LAMB3: variants seen among roughly 807,000 people sequenced by gnomAD.
The protein encoded by LAMB3 is laminin subunit beta-3.
Under a neutral mutation model 140.3 loss-of-function variants are expected in LAMB3, and 104 were observed. The ratio of observed to expected loss-of-function variants is 0.74; its 90% CI spans 0.63 to 0.87. The LOEUF is 0.87. Among genes scored for constraint, LAMB3 ranks in the 40% least tolerant of loss-of-function variants. The probability of loss-of-function intolerance (pLI) is 0.00; values close to 1 mark genes in which losing one functional copy is unlikely to be tolerated. For synonymous variants in LAMB3, 592 were observed against 602.9 expected (o/e 0.98, Z 0.26); for missense variants, 1,531 against 1,575.2 (o/e 0.97, Z 0.47).
chr1:209,637,376 T>C (rs572893146), intron 5 of LAMB3, among the ~76,000 whole-genome samples: 2 of 152,208 alleles, frequency 1.3e-5, no homozygotes, highest in East Asian at 3.9e-4. Context: ...AAAATTGACC[T>C]ATGGCAATTA....
chr1:209,636,409 T>A (rs1344784729), intron 5 of LAMB3, among the ~76,000 whole-genome samples: 1 of 152,184 alleles, frequency 6.6e-6, no homozygotes, highest in Non-Finnish European at 1.5e-5. Context: ...GTGCCCCTGG[T>A]TGAGACTCAG....
At chr1:209,645,473 T>C (rs979207127) in intron 3 of LAMB3, among the ~76,000 whole-genome samples, 10 of 152,114 alleles carry the variant, frequency 6.6e-5, no homozygotes, top group Non-Finnish European at 1.5e-5. Flanking sequence ...TCCAGCACTT[T>C]GGGAGGCCAA....
At position 209,650,915 on chromosome 1, in the gene LAMB3, A is replaced by T; in HGVS notation, c.28+2T>A. ...CCTGGAAGGATGGGAAGGGGTACTT[A>T]CCAAAACACAAGAGGAAGAATGGTC... On this transcript the variant is annotated splice_donor_variant, in intron 2 of 22. Transcript: ENST00000356082. LOFTEE classifies it high-confidence loss of function. 6.2e-7 allele frequency: 1 copy of T among 1,614,170 alleles called. No individual in the cohort carries two copies. The highest frequency in any genetic ancestry group is 1.1e-5 in the South Asian group (1 of 91,090).
intron 3 of LAMB3, among the ~76,000 whole-genome samples, chr1:209,645,949 G>A (rs185088256): frequency 1.1e-4 from 16 of 152,330 alleles, no homozygotes; most frequent in Non-Finnish European, 1.3e-4. Context: ...ATGTGCGCCT[G>A]CGCGTATTAG....
chr1:209,624,496 C>G (rs1666343228), intron 14 of LAMB3, among the ~76,000 whole-genome samples: 1 of 152,318 alleles, frequency 6.6e-6, no homozygotes, highest in South Asian at 2.1e-4. Flanking sequence ...TTGGAGAGTC[C>G]TCTCTCCCTG....
chr1:209,632,481 C>A, intron 8 of LAMB3, 102 bp downstream of exon 8: 1 of 913,086 alleles, frequency 1.1e-6, no homozygotes, highest in Non-Finnish European at 1.7e-6. Context: ...ATACCCAAGT[C>A]TTAGATTTAG....
At position 209,634,535 on chromosome 1, in the gene LAMB3, C is replaced by G; in HGVS notation, c.476G>C (p.Arg159Pro). The G allele has an allele frequency of 6.2e-7, 1 of 1,614,100 alleles. No homozygotes were observed. ...GCTCTGAGGCCGACCCTGGCGGACC[C>G]GAGGGAAGGTGGAGGTGCAGTCGGC... ...LAADCTSTFPRVRQGRPQSWQ... is the reference protein window; with the variant it reads ...LAADCTSTFPPVRQGRPQSWQ... The change falls in exon 6 of 23, where the codon CGG (arginine) becomes CCG (proline). Residue 159 changes from arginine to proline, a missense_variant. By Grantham distance (103) the Arg-to-Pro change is moderately radical. Coordinates refer to ENST00000356082, the MANE Select transcript of LAMB3 (RefSeq NM_000228.3).
intron 18 of LAMB3, 54 bp downstream of exon 18, chr1:209,622,482 G>T: frequency 3.1e-6 from 5 of 1,605,930 alleles, no homozygotes; most frequent in Non-Finnish European, 4.3e-6. Context: ...ACATGGGAAT[G>T]CGGGACAGGC....
chr1:209,639,331 G>A (rs963119202), intron 3 of LAMB3, among the ~76,000 whole-genome samples: 1 of 152,166 alleles, frequency 6.6e-6, no homozygotes, highest in Non-Finnish European at 1.5e-5. Flanking sequence ...TGCCCTCAGG[G>A]ACCCAAAATT....
chr1:209,629,129 C>T (rs941981290), intron 10 of LAMB3, among the ~76,000 whole-genome samples: 2 of 152,156 alleles, frequency 1.3e-5, no homozygotes, highest in African/African-American at 2.4e-5. Context: ...TAAACCTGCC[C>T]GAATCTGATT....
At chr1:209,643,800 C>T (rs1281664485) in intron 3 of LAMB3, among the ~76,000 whole-genome samples, 1 of 149,294 alleles carries the variant, frequency 6.7e-6, no homozygotes, top group Admixed American at 6.6e-5. Context: ...CCAGCCAGGG[C>T]CAAAAGCAAA....
intron 3 of LAMB3, among the ~76,000 whole-genome samples, chr1:209,645,520 A>G (rs1393005894): frequency 1.3e-5 from 2 of 152,244 alleles, no homozygotes; most frequent in Admixed American, 1.3e-4. Flanking sequence ...GTTCGAGACC[A>G]GCCTGGCCAA....
intron 3 of LAMB3, 65 bp downstream of exon 3, chr1:209,649,899 G>A (rs560390756): frequency 6.4e-7 from 1 of 1,566,902 alleles, no homozygotes; most frequent in South Asian, 1.1e-5. Context: ...GTATTCAGTG[G>A]ACAAATGGCA....
rs182573046 is a variant in LAMB3 at position 209,621,891 on chromosome 1, C to A, written c.2701+645G>T. Among the ~76,000 whole-genome samples the A allele has an allele frequency of 1.2e-3, 178 of 152,310 alleles. 1 individual carries two copies. Among genetic ancestry groups the A allele is most frequent in the Middle Eastern group, 0.01 (3 of 294 alleles). On this transcript the variant is annotated intron_variant, in intron 18 of 22. Transcript: ENST00000356082. ...ACACAGTAGTCAACAAGACAGACAA[C>A]CATCCTTGCCCTCCTGGAGTCCCCA...
chr1:209,618,789 G>T (rs1666085608), intron 18 of LAMB3, 130 bp from the exon 19 acceptor site: 2 of 839,820 alleles, frequency 2.4e-6, no homozygotes, highest in African/African-American at 3.3e-5. Context: ...CCAAGGAGCT[G>T]CTGCCCCCTT....
In LAMB3 at chr1:209,632,787, C is replaced by A. The variant is rs1666742953; in HGVS notation, c.629-11G>T. ...TGATCTCCCCCACCTCTGAGAGGGC[C>A]AAACAGCAAGGAGGGAAGAGTTGGA... On this transcript the variant is annotated splice_polypyrimidine_tract_variant and intron_variant, in intron 7 of 22. Coordinates refer to ENST00000356082, the MANE Select transcript of LAMB3 (RefSeq NM_000228.3). The A allele has an allele frequency of 1.4e-5, 22 of 1,612,912 alleles. No homozygotes were observed. Among genetic ancestry groups the A allele is most frequent in the Non-Finnish European group, 1.7e-5 (20 of 1,178,894 alleles).
chr1:209,627,567 T>C lies in LAMB3; in HGVS notation c.1301A>G (p.Asn434Ser), dbSNP rs746254246. ...NPQGCHRCDC[N>S]ILGSRRDMPC... ...CATGTCCCTCCGGGACCCCAGGATG[T>C]TGCAGTCACAGCCTGCAGGAGGAGA... is the stretch of plus-strand genomic sequence containing the variant. Residue 434 changes from asparagine to serine, a missense_variant, in exon 12 of 23, where the codon AAC (asparagine) becomes AGC (serine). Coordinates refer to ENST00000356082, the MANE Select transcript of LAMB3 (RefSeq NM_000228.3). 6.2e-7 allele frequency: 1 copy of C among 1,613,910 alleles called. No homozygotes were observed. Among genetic ancestry groups the C allele is most frequent in the African/African-American group, 1.3e-5 (1 of 74,930 alleles).
chr1:209,641,636 A>G (rs1262692816), intron 3 of LAMB3, among the ~76,000 whole-genome samples: 2 of 152,192 alleles, frequency 1.3e-5, no homozygotes, highest in Non-Finnish European at 2.9e-5. Flanking sequence ...CTGACCTTGA[A>G]GCTTATCACA....
At chr1:209,651,044 T>C (rs2076562611) in intron 1 of LAMB3, 63 bp from the exon 2 acceptor site, 1 of 1,075,104 alleles carries the variant, frequency 9.3e-7, no homozygotes, top group Admixed American at 1.7e-5. Context: ...CTAGCCCTTT[T>C]TCTTTTCTGT....
Sources: gnomAD v4.1 joint callset for allele counts (sites outside exome capture counted in the v4.1 genomes callset) on GRCh38, gnomAD v4.1.1 for gene constraint, MANE v1.5 for transcripts, NCBI Gene and HGNC (gene_info 2026-07-23, HGNC 2026-07-21) for gene names.